Variants in ABCB5 observed in about 807,000 individuals in gnomAD.
The protein encoded by ABCB5 is ATP binding cassette subfamily B member 5.
A neutral mutation model predicts 144.2 loss-of-function variants in ABCB5; 155 were observed. The ratio of observed to expected loss-of-function variants is 1.08; its 90% CI spans 0.94 to 1.23. The LOEUF is 1.23. ABCB5 is among the 50% of genes most tolerant of loss of function. The probability of loss-of-function intolerance (pLI) is 0.00; values close to 1 mark genes in which losing one functional copy is unlikely to be tolerated. For missense variants in ABCB5, 1,830 were observed against 1,520.8 expected (o/e 1.20, Z -3.38); for synonymous variants, 610 against 528.6 (o/e 1.15, Z -2.11).
At chr7:20,721,841 C>T (rs1781878376) in intron 20 of ABCB5, among the ~76,000 whole-genome samples, 1 of 152,134 alleles carries the variant, frequency 6.6e-6, no homozygotes, top group East Asian at 1.9e-4. Flanking sequence ...TAGTAAATAC[C>T]TAAGCTAAAG....
chr7:20,755,386 T>A, intron 27 of ABCB5, 41 bp from the exon 28 acceptor site: 1 of 1,588,700 alleles, frequency 6.3e-7, no homozygotes, highest in Non-Finnish European at 8.6e-7. Context: ...TTTACTAACA[T>A]CTAACTCAAA....
intron 1 of ABCB5, among the ~76,000 whole-genome samples, chr7:20,622,187 T>C (rs541781800): frequency 1.3e-5 from 2 of 152,160 alleles, no homozygotes; most frequent in East Asian, 1.9e-4. Context: ...TTAATTGTTT[T>C]GATTTCTTTC....
At chr7:20,685,277 G>T (rs937298978) in intron 15 of ABCB5, among the ~76,000 whole-genome samples, 2 of 152,118 alleles carry the variant, frequency 1.3e-5, no homozygotes, top group African/African-American at 2.4e-5. Context: ...GTCTCCCAAG[G>T]TCTCTCTCAG....
In ABCB5 at chr7:20,698,082, G is replaced by C. The variant is rs369545433; in HGVS notation, c.2011-325G>C. ...CAATATTCCATCCAGTTTAACAAGA[G>C]TAAAGAAAAATACACCTGCCATTTC... On this transcript the variant is annotated intron_variant, in intron 16 of 27. Coordinates refer to ENST00000404938, the MANE Select transcript of ABCB5 (RefSeq NM_001163941.2). Among the ~76,000 whole-genome samples, 66 of 152,138 alleles carry C rather than the reference G, an allele frequency of 4.3e-4. 2 individuals carry two copies. In the South Asian group the frequency reaches 0.013, roughly 31 times the overall value.
rs10533720 is a variant in ABCB5 at position 20,719,942 on chromosome 7, TACACACACAC to T, written c.2422-3052_2422-3043del. 5.4e-5 allele frequency among the ~76,000 whole-genome samples: 8 copies of T among 148,900 alleles called. No individual in the cohort carries two copies. In the South Asian group the frequency reaches 6.4e-4, roughly 12 times the overall value. On this transcript the variant is annotated intron_variant, in intron 20 of 27. Coordinates refer to ENST00000404938, the MANE Select transcript of ABCB5 (RefSeq NM_001163941.2). ...GTAAATGTGTGTTTGTACCTATCAA[TACACACACAC>T]ACACACACACACACACACACATTCT... is the stretch of plus-strand genomic sequence containing the variant.
At chr7:20,737,186 T>C (rs779239070) in intron 23 of ABCB5, among the ~76,000 whole-genome samples, 3 of 149,570 alleles carry the variant, frequency 2.0e-5, no homozygotes, top group Admixed American at 6.7e-5. Flanking sequence ...AGAAGATTAG[T>C]GTCCCTCACT....
At chr7:20,744,035 T>G (rs1472127153) in intron 25 of ABCB5, among the ~76,000 whole-genome samples, 1 of 152,074 alleles carries the variant, frequency 6.6e-6, no homozygotes, top group Non-Finnish European at 1.5e-5. Context: ...GTGCTTTTTC[T>G]GTTTTTTGGG....
At chr7:20,683,273 ACTGT>A (rs1344990182) in intron 15 of ABCB5, among the ~76,000 whole-genome samples, 1 of 152,138 alleles carries the variant, frequency 6.6e-6, no homozygotes, top group African/African-American at 2.4e-5. Flanking sequence ...TAATTGAAAA[ACTGT>A]CTGATTCTCA....
intron 5 of ABCB5, among the ~76,000 whole-genome samples, chr7:20,634,847 T>C (rs1028404509): frequency 2.6e-5 from 4 of 152,162 alleles, no homozygotes; most frequent in African/African-American, 9.6e-5. Flanking sequence ...TTTTCTCCCA[T>C]TCTGCAGGTT....
intron 19 of ABCB5, among the ~76,000 whole-genome samples, chr7:20,701,473 T>C (rs1263266062): frequency 2.0e-5 from 3 of 152,230 alleles, no homozygotes; most frequent in Non-Finnish European, 1.5e-5. Context: ...TTTTAATTTT[T>C]CCAAGCATAC....
intron 14 of ABCB5, among the ~76,000 whole-genome samples, chr7:20,673,367 C>A (rs1785509406): frequency 6.6e-6 from 1 of 151,992 alleles, no homozygotes; most frequent in Non-Finnish European, 1.5e-5. Context: ...GTATTTAATT[C>A]TTCAACTATT....
chr7:20,687,092 A>G (rs75761559), intron 16 of ABCB5, among the ~76,000 whole-genome samples: 4,969 of 152,290 alleles, frequency 0.033, 189 homozygotes, highest in African/African-American at 0.087. Flanking sequence ...GGTATACCAT[A>G]TGACAAATGT....
rs548898226 is a variant in ABCB5, at chr7:20,640,215, T to C, written c.315-2969T>C. On this transcript the variant is annotated intron_variant, in intron 5 of 27. Transcript: ENST00000404938. ...AGTAAATTATTTATGATAGTTAATG[T>C]TCTATTAAAGTTTCTGTGAAAATTG... Among the ~76,000 whole-genome samples, 26 of 152,328 alleles carry C rather than the reference T, an allele frequency of 1.7e-4. No individual in the cohort carries two copies. In the South Asian group the frequency reaches 5.4e-3, roughly 32 times the overall value.
At chr7:20,677,082 C>T (rs541197393) in intron 14 of ABCB5, among the ~76,000 whole-genome samples, 27 of 152,096 alleles carry the variant, frequency 1.8e-4, no homozygotes, top group Non-Finnish European at 3.4e-4. Context: ...AACTGTATTA[C>T]GAGTTTTTAT....
chr7:20,626,854 G>GGGGTGT (rs1554278226), intron 3 of ABCB5, among the ~76,000 whole-genome samples: 8 of 143,758 alleles, frequency 5.6e-5, no homozygotes, highest in African/African-American at 1.8e-4. Context: ...GTGTTTTTGG[G>GGGGTGT]GTGTGTGTGT....
intron 9 of ABCB5, 105 bp downstream of exon 9, chr7:20,646,243 A>G: frequency 1.8e-6 from 2 of 1,102,272 alleles, no homozygotes; most frequent in East Asian, 2.5e-5. Context: ...GGATGTTTTT[A>G]TTAAACAAAT....
intron 5 of ABCB5, among the ~76,000 whole-genome samples, 157 bp from the exon 6 acceptor site, chr7:20,643,027 A>G (rs921663570): frequency 6.6e-6 from 1 of 152,222 alleles, no homozygotes; most frequent in Non-Finnish European, 1.5e-5. Flanking sequence ...CTAGATCATT[A>G]TATTCAATGC....
intron 3 of ABCB5, 53 bp downstream of exon 3, chr7:20,626,664 C>G (rs1184070547): frequency 6.9e-6 from 10 of 1,453,508 alleles, no homozygotes; most frequent in South Asian, 2.6e-5. Context: ...AGAGACTTGT[C>G]AGTAGTGCAT....
intron 19 of ABCB5, among the ~76,000 whole-genome samples, chr7:20,703,727 T>C (rs1786712535): frequency 1.3e-5 from 2 of 152,222 alleles, no homozygotes; most frequent in Admixed American, 6.5e-5. Flanking sequence ...AAACATTCAA[T>C]AGCTATAAGA....
Sources: gnomAD v4.1 joint callset for allele counts (sites outside exome capture counted in the v4.1 genomes callset) on GRCh38, gnomAD v4.1.1 for gene constraint, MANE v1.5 for transcripts, NCBI Gene and HGNC (gene_info 2026-07-23, HGNC 2026-07-21) for gene names.